The following EPRS1 variants were observed in gnomAD, a reference collection of about 807,000 sequenced individuals.
The protein encoded by EPRS1 is bifunctional glutamate/proline--tRNA ligase.
Under a neutral mutation model 188.3 loss-of-function variants are expected in EPRS1, and 107 were observed. The ratio of observed to expected loss-of-function variants is 0.57; its 90% CI spans 0.49 to 0.67. The LOEUF is 0.67. Ranked by LOEUF, EPRS1 falls within the 30% of genes least tolerant of loss-of-function variation. The pLI, the probability that EPRS1 is intolerant of heterozygous loss-of-function variation, is 0.00. For synonymous variants in EPRS1, 596 were observed against 593.1 expected, an observed-to-expected ratio of 1.00 and a Z score of -0.07; for missense variants, 1,577 against 1,802.2, an observed-to-expected ratio of 0.88 and a Z score of 2.26.
At chr1:219,994,478 T>C (rs564447033) in intron 18 of EPRS1, among the ~76,000 whole-genome samples, 3 of 145,614 alleles carry the variant, frequency 2.1e-5, no homozygotes, top group Non-Finnish European at 4.5e-5. Context: ...TTTGGGTCTT[T>C]ATTAGAGGTC....
In EPRS1 at chr1:220,006,278, T is replaced by A. The variant is rs770127666; in HGVS notation, c.1778A>T (p.Lys593Met). 1.3e-6 allele frequency: 2 copies of A among 1,584,778 alleles called. No individual in the cohort carries two copies. The highest frequency in any genetic ancestry group is 1.3e-5 in the African/African-American group (1 of 74,484). ...ADGKIISLDA[K>M]LNLENKDYKK... ...GTAGTCTTTGTTTTCCAAATTCAAC[T>A]TTGCATCAAGAGATATGATTTTTCC... Residue 593 changes from lysine (K) to methionine (M), a missense_variant, in exon 15 of 32, where the codon AAG (lysine) becomes ATG (methionine). By Grantham distance (95) the Lys-to-Met change is moderately conservative. This residue lies in a region of EPRS1 where 1,278 missense variants were observed against 1,457.4 expected (regional missense o/e 0.88). Coordinates refer to ENST00000366923, the MANE Select transcript of EPRS1 (RefSeq NM_004446.3).
chr1:219,972,446 T>C (rs151167057), intron 29 of EPRS1, among the ~76,000 whole-genome samples: 153 of 152,328 alleles, frequency 1.0e-3, no homozygotes, highest in Non-Finnish European at 1.7e-3. Context: ...ACACATTACC[T>C]ATGGGAGTCT....
chr1:220,046,476 G>GT lies in EPRS1; in HGVS notation c.-89dup, dbSNP rs1221340661. 3 of 1,562,124 alleles carry GT rather than the reference G, an allele frequency of 1.9e-6. No homozygotes were observed. Among genetic ancestry groups the GT allele is most frequent in the Non-Finnish European group, 2.6e-6 (3 of 1,155,268 alleles). ...CCGCGAAAGGAAGAAGATGCAACGTGTGCGCGTACCCGACGCCGCCGCAGC... is the reference window on the plus strand; with the variant it reads ...CCGCGAAAGGAAGAAGATGCAACGTGTTGCGCGTACCCGACGCCGCCGCAGC... On this transcript the variant is annotated 5_prime_UTR_variant, in exon 1 of 32. Transcript: ENST00000366923.
intron 13 of EPRS1, among the ~76,000 whole-genome samples, chr1:220,008,107 CAAAAAA>C (rs55642831): frequency 7.5e-6 from 1 of 133,350 alleles, no homozygotes; most frequent in Non-Finnish European, 1.6e-5. Flanking sequence ...ACTCCGTCAC[CAAAAAA>C]AAAAAAAAAA....
At position 220,018,077 on chromosome 1, in the gene EPRS1, T is replaced by A. The variant is rs1269863866; in HGVS notation, c.1494+372A>T. 2.6e-6 allele frequency: 3 copies of A among 1,133,858 alleles called. No individual in the cohort carries two copies. The East Asian group carries it at 1.7e-4, about 64-fold the overall frequency. The allele number at this position is 1,133,858 out of a possible 1,614,324, so 70.2% of individuals were successfully genotyped here. A position where few individuals can be genotyped will look rare whatever the true frequency, so the allele number is the denominator to read the frequency against. Reference sequence around the variant, plus strand: ...ATATAACATCTCAGGTTTTAACATGTAATATGCTAAAAGCTATGTTTAAGG... The same window carrying A: ...ATATAACATCTCAGGTTTTAACATGAAATATGCTAAAAGCTATGTTTAAGG... On this transcript the variant is annotated intron_variant, in intron 12 of 31. Coordinates refer to ENST00000366923, the MANE Select transcript of EPRS1 (RefSeq NM_004446.3).
At chr1:220,007,122 A>C in intron 14 of EPRS1, 80 bp downstream of exon 14, 8 of 1,286,524 alleles carry the variant, frequency 6.2e-6, no homozygotes, top group Non-Finnish European at 7.5e-6. Flanking sequence ...ATGGGTCTGA[A>C]TTTGGTAATG....
intron 2 of EPRS1, among the ~76,000 whole-genome samples, chr1:220,036,231 G>T (rs1303929542): frequency 6.6e-6 from 1 of 152,138 alleles, no homozygotes; most frequent in Non-Finnish European, 1.5e-5. Context: ...CACACTGTTG[G>T]TGGGAGTGTA....
Position 220,007,260 on chromosome 1 carries a change from C to T in EPRS1, c.1684G>A (p.Glu562Lys), listed in dbSNP as rs747063656. The change falls in exon 14 of 32, where the codon GAG becomes AAG. Residue 562 changes from glutamate to lysine, a missense_variant. Coordinates refer to ENST00000366923, the MANE Select transcript of EPRS1 (RefSeq NM_004446.3). ...TTTATAAATGTAACCATCTCACCCT[C>T]CGAAAAAGTCTCTGCATCAGCACCT... ...IEGADAETFSEGEMVTFINWG... is the reference protein window; with the variant it reads ...IEGADAETFSKGEMVTFINWG... 1.2e-6 allele frequency: 2 copies of T among 1,613,888 alleles called. No homozygotes were observed. The highest frequency in any genetic ancestry group is 1.1e-5 in the South Asian group (1 of 91,078).
chr1:220,022,308 A>C (rs1454059980), intron 9 of EPRS1, 39 bp downstream of exon 9: 4 of 1,546,592 alleles, frequency 2.6e-6, no homozygotes, highest in Non-Finnish European at 3.5e-6. Context: ...AAACAAAAGC[A>C]CAGATGGCTA....
chr1:220,030,636 A>G (rs1229985389), intron 5 of EPRS1, among the ~76,000 whole-genome samples, 156 bp from the exon 6 acceptor site: 1 of 152,240 alleles, frequency 6.6e-6, no homozygotes, highest in African/African-American at 2.4e-5. Context: ...AAATCTGGTT[A>G]AGAATATAAA....
chr1:220,024,730 A>G (rs1279989563), intron 7 of EPRS1, among the ~76,000 whole-genome samples: 1 of 152,212 alleles, frequency 6.6e-6, no homozygotes, highest in Non-Finnish European at 1.5e-5. Context: ...GAGAACTGAC[A>G]ATCATTTGCC....
At chr1:220,011,168 T>C in intron 12 of EPRS1, 112 bp from the exon 13 acceptor site, 1 of 603,084 alleles carries the variant, frequency 1.7e-6, no homozygotes, top group Admixed American at 2.9e-5. Flanking sequence ...CTGCATTTAC[T>C]AATTTTTTTT....
intron 22 of EPRS1, 57 bp from the exon 23 acceptor site, chr1:219,982,901 GT>G: frequency 6.8e-7 from 1 of 1,461,352 alleles, no homozygotes; most frequent in East Asian, 2.3e-5. Context: ...TGGAGCAACA[GT>G]ACAAATGCAG....
chr1:220,013,446 A>G (rs147335897), intron 12 of EPRS1, among the ~76,000 whole-genome samples: 9 of 152,270 alleles, frequency 5.9e-5, no homozygotes, highest in African/African-American at 1.9e-4. Context: ...ATTCACTCCT[A>G]AAATAAGGCT....
intron 30 of EPRS1, among the ~76,000 whole-genome samples, chr1:219,970,295 T>C (rs1215787659): frequency 6.6e-6 from 1 of 152,154 alleles, no homozygotes; most frequent in Admixed American, 6.5e-5. Flanking sequence ...AAATACAGTG[T>C]AAAGCAGCTG....
At chr1:220,002,472 G>A (rs1661377817) in intron 16 of EPRS1, among the ~76,000 whole-genome samples, 1 of 152,196 alleles carries the variant, frequency 6.6e-6, no homozygotes, top group South Asian at 2.1e-4. Context: ...GTTAGTGAAT[G>A]TTAATGATAC....
Position 220,046,478 on chromosome 1 carries a change from G to C in EPRS1, c.-90C>G. On this transcript the variant is annotated 5_prime_UTR_variant, in exon 1 of 32. Transcript: ENST00000366923. ...GCGAAAGGAAGAAGATGCAACGTGT[G>C]CGCGTACCCGACGCCGCCGCAGCCT... 6.4e-7 allele frequency: 1 copy of C among 1,551,330 alleles called. No homozygotes were observed. Among genetic ancestry groups the C allele is most frequent in the Non-Finnish European group, 8.7e-7 (1 of 1,148,958 alleles).
chr1:219,987,812 T>C (rs1661034476), intron 19 of EPRS1, among the ~76,000 whole-genome samples: 1 of 152,188 alleles, frequency 6.6e-6, no homozygotes, highest in Non-Finnish European at 1.5e-5. Flanking sequence ...TGTGGCTGAA[T>C]TTAATTTAAA....
chr1:219,986,783 A>ATGTGTGTGTGTGTGTGTG, intron 20 of EPRS1, among the ~76,000 whole-genome samples: 1 of 150,274 alleles, frequency 6.7e-6, no homozygotes, highest in East Asian at 2.0e-4. Context: ...GAAAATATGT[A>ATGTGTGTGTGTGTGTGTG]TGTGTGTGTG....
Sources: allele counts gnomAD v4.1 joint callset (sites outside exome capture counted in the v4.1 genomes callset), GRCh38; gene constraint gnomAD v4.1.1; regional missense constraint gnomAD v4.1.1; transcripts MANE v1.5; gene names NCBI Gene and HGNC (gene_info 2026-07-23, HGNC 2026-07-21).